Variants in A1CF observed in about 807,000 individuals in gnomAD.
A1CF encodes the protein APOBEC1 complementation factor.
Under a neutral mutation model 68.9 loss-of-function variants are expected in A1CF, and 48 were observed. The observed-to-expected ratio is 0.70, with a 90% CI of 0.55 to 0.89. The LOEUF is 0.89. Ranked by LOEUF, A1CF falls within the 40% of genes least tolerant of loss-of-function variation. The pLI is 0.00. For missense variants in A1CF, 653 were observed against 718.9 expected (o/e 0.91, Z 1.05); for synonymous variants, 272 against 260.4 (o/e 1.04, Z -0.43).
At chr10:50,816,547 G>T in intron 8 of A1CF, 2 of 381,062 alleles carry the variant, frequency 5.2e-6, no homozygotes, top group Non-Finnish European at 9.4e-6. Flanking sequence ...TTACAATCTG[G>T]TTACAGTCAC....
intron 3 of A1CF, among the ~76,000 whole-genome samples, 170 bp from the exon 4 acceptor site, chr10:50,844,292 T>C (rs1839903408): frequency 6.6e-6 from 1 of 152,244 alleles, no homozygotes; most frequent in Non-Finnish European, 1.5e-5. Context: ...ATGTGGATTA[T>C]AGTACCACAC....
Position 50,810,010 on chromosome 10 carries a change from A to G in A1CF, c.1493T>C (p.Phe498Ser). ...HPFTPPKLSA[F>S]VDEAKTYAAE... ...TGCATACGTCTTTGCTTCATCCACAAAGGCACTCAGCTTTGGAGGTGTGAA... is the reference window on the plus strand; with the variant it reads ...TGCATACGTCTTTGCTTCATCCACAGAGGCACTCAGCTTTGGAGGTGTGAA... The change falls in exon 12 of 13, where the codon TTT (phenylalanine) becomes TCT (serine). Residue 498 changes from phenylalanine to serine, a missense_variant. Physicochemically the swap from Phe to Ser is radical, Grantham distance 155. Transcript: ENST00000373997. 1 of 1,613,862 alleles carries G rather than the reference A, an allele frequency of 6.2e-7. No homozygotes were observed. The highest frequency in any genetic ancestry group is 8.5e-7 in the Non-Finnish European group (1 of 1,179,878).
chr10:50,858,184 C>T (rs923590164), intron 3 of A1CF, among the ~76,000 whole-genome samples: 1 of 151,942 alleles, frequency 6.6e-6, no homozygotes, highest in East Asian at 1.9e-4. Flanking sequence ...TATGTCTTTA[C>T]TATTATTCCA....
chr10:50,835,938 G>T, intron 6 of A1CF, 136 bp downstream of exon 6: 1 of 789,578 alleles, frequency 1.3e-6, no homozygotes, highest in Non-Finnish European at 2.0e-6. Flanking sequence ...TCAACTGTGA[G>T]ACAGTGAAGA....
chr10:50,865,575 C>T (rs1312494153), intron 1 of A1CF, among the ~76,000 whole-genome samples: 1 of 152,096 alleles, frequency 6.6e-6, no homozygotes, highest in Non-Finnish European at 1.5e-5. Flanking sequence ...ACACATTGTC[C>T]CTTCAGGACT....
intron 5 of A1CF, among the ~76,000 whole-genome samples, chr10:50,838,978 A>G (rs1839649047): frequency 6.6e-6 from 1 of 152,036 alleles, no homozygotes; most frequent in Non-Finnish European, 1.5e-5. Context: ...CTCCTCCATC[A>G]TCACCACCAT....
chr10:50,878,530 A>G (rs1841622573), intron 1 of A1CF, among the ~76,000 whole-genome samples: 1 of 152,204 alleles, frequency 6.6e-6, no homozygotes, highest in Non-Finnish European at 1.5e-5. Flanking sequence ...CCAGATCCAG[A>G]GCCTTCTGCT....
At chr10:50,854,469 T>C (rs988234839) in intron 3 of A1CF, among the ~76,000 whole-genome samples, 3 of 152,034 alleles carry the variant, frequency 2.0e-5, no homozygotes, top group Non-Finnish European at 4.4e-5. Flanking sequence ...TTTAAATTTC[T>C]AAAAAATTAT....
intron 6 of A1CF, 133 bp downstream of exon 6, chr10:50,835,941 A>G: frequency 2.5e-6 from 2 of 808,804 alleles, no homozygotes; most frequent in South Asian, 3.8e-5. Context: ...ACTGTGAGAC[A>G]GTGAAGAAGG....
At chr10:50,878,295 C>T (rs1235290154) in intron 1 of A1CF, among the ~76,000 whole-genome samples, 1 of 152,184 alleles carries the variant, frequency 6.6e-6, no homozygotes, top group Non-Finnish European at 1.5e-5. Flanking sequence ...CTATTTTCCT[C>T]TAGTAAAGCA....
At chr10:50,848,434 C>T (rs1182004661) in intron 3 of A1CF, among the ~76,000 whole-genome samples, 1 of 152,160 alleles carries the variant, frequency 6.6e-6, no homozygotes, top group Non-Finnish European at 1.5e-5. Flanking sequence ...GGCTTATCAG[C>T]CTCATAAATC....
At chr10:50,871,737 A>G (rs1841277136) in intron 1 of A1CF, among the ~76,000 whole-genome samples, 1 of 152,108 alleles carries the variant, frequency 6.6e-6, no homozygotes, top group South Asian at 2.1e-4. Flanking sequence ...GAAAAAAAAT[A>G]AAGTGGGCAT....
intron 8 of A1CF, among the ~76,000 whole-genome samples, chr10:50,819,902 CTTTGCACGA>C (rs1247537404): frequency 6.6e-6 from 1 of 152,166 alleles, no homozygotes; most frequent in African/African-American, 2.4e-5. Flanking sequence ...CTTGCCTATA[CTTTGCACGA>C]GTTTGTGTAG....
intron 8 of A1CF, among the ~76,000 whole-genome samples, chr10:50,816,738 G>A (rs1358269596): frequency 6.6e-6 from 1 of 152,172 alleles, no homozygotes. Context: ...TCAATTATTA[G>A]CATTTAGCAT....
intron 3 of A1CF, among the ~76,000 whole-genome samples, chr10:50,850,205 T>A (rs1564520642): frequency 6.6e-6 from 1 of 152,220 alleles, no homozygotes; most frequent in South Asian, 2.1e-4. Flanking sequence ...ATGAGTCACC[T>A]TCCTGTTTCA....
chr10:50,881,440 A>ACAG (rs1841770614), intron 1 of A1CF, among the ~76,000 whole-genome samples: 1 of 152,198 alleles, frequency 6.6e-6, no homozygotes, highest in South Asian at 2.1e-4. Context: ...GAATATTGAC[A>ACAG]CAGTTACCTT....
At chr10:50,842,089 A>ACAC in intron 4 of A1CF, 97 bp from the exon 5 acceptor site, 3 of 1,140,790 alleles carry the variant, frequency 2.6e-6, no homozygotes, top group South Asian at 1.5e-5. Context: ...ACACACACAC[A>ACAC]ATGCTTTCTG....
rs186915917 is a variant in A1CF, at chr10:50,878,017, G to A, written c.-94+7564C>T. ...CATGCTTGTAGTCCCAGCTACTCAG[G>A]AGGCTGAGGCAGGAGAATCGCTTGA... On this transcript the variant is annotated intron_variant, in intron 1 of 12. Transcript: ENST00000373997. Among the ~76,000 whole-genome samples the A allele has an allele frequency of 1.5e-4, 23 of 152,310 alleles. No homozygotes were observed. In the East Asian group the frequency reaches 4.4e-3, roughly 29 times the overall value.
At chr10:50,859,499 T>G (rs1044280081) in intron 3 of A1CF, among the ~76,000 whole-genome samples, 2 of 152,184 alleles carry the variant, frequency 1.3e-5, no homozygotes, top group African/African-American at 4.8e-5. Flanking sequence ...TAAGCCTGGT[T>G]CCTGCTGTAG....
Sources: gnomAD v4.1 joint callset for allele counts (sites outside exome capture counted in the v4.1 genomes callset) on GRCh38, gnomAD v4.1.1 for gene constraint, MANE v1.5 for transcripts, NCBI Gene and HGNC (gene_info 2026-07-23, HGNC 2026-07-21) for gene names.